Variants in DLG2 observed in about 807,000 individuals in gnomAD.
The protein encoded by DLG2 is discs large MAGUK scaffold protein 2.
DLG2 carries 45 observed loss-of-function variants against 132.5 expected under a neutral mutation model. That is an observed-to-expected ratio of 0.34 (90% CI 0.27 to 0.44). The LOEUF is 0.44. Ranked by LOEUF, DLG2 falls within the 20% of genes least tolerant of loss-of-function variation. DLG2 has a pLI of 1.00. For missense variants in DLG2, 1,045 were observed against 1,196.9 expected (o/e 0.87, Z 1.87); for synonymous variants, 424 against 419.6 (o/e 1.01, Z -0.13).
chr11:84,876,601 CTATT>C, intron 6 of DLG2, among the ~76,000 whole-genome samples: 1 of 152,040 alleles, frequency 6.6e-6, no homozygotes, highest in South Asian at 2.1e-4. Flanking sequence ...GGGTAGCTGT[CTATT>C]TGTTTTGTTA....
intron 19 of DLG2, among the ~76,000 whole-genome samples, chr11:83,550,080 G>A (rs2096351115): frequency 6.6e-6 from 1 of 152,118 alleles, no homozygotes; most frequent in South Asian, 2.1e-4. Context: ...AAGCAGATTG[G>A]TATTATTTAA....
intron 15 of DLG2, among the ~76,000 whole-genome samples, chr11:83,922,524 ATTATATCAGCCTT>A (rs1321090950): frequency 1.3e-5 from 2 of 152,150 alleles, no homozygotes; most frequent in Non-Finnish European, 2.9e-5. Context: ...ATTCTTTAAG[ATTATATCAGCCTT>A]TTAAGGGCAT....
intron 18 of DLG2, among the ~76,000 whole-genome samples, chr11:83,742,934 G>A (rs1165370480): frequency 1.3e-5 from 2 of 152,166 alleles, no homozygotes; most frequent in Non-Finnish European, 2.9e-5. Context: ...CTGCTTTAAA[G>A]TACCATATAG....
At chr11:83,612,120 A>G (rs1240030975) in intron 19 of DLG2, among the ~76,000 whole-genome samples, 5 of 152,174 alleles carry the variant, frequency 3.3e-5, no homozygotes, top group Admixed American at 3.3e-4. Flanking sequence ...AAGGCAATTT[A>G]TCACTAATTC....
rs193106820 is a variant in DLG2 at position 83,778,537 on chromosome 11, A to G, written c.1825+8153T>C. ...TTTTATGGGGATGTTCGGAACTGTA[A>G]TCATACAATGAGAGGAGGTTATATC... is the stretch of plus-strand genomic sequence containing the variant. On this transcript the variant is annotated intron_variant, in intron 18 of 27. Transcript: ENST00000376104. 2.6e-3 allele frequency among the ~76,000 whole-genome samples: 400 copies of G among 152,248 alleles called. 3 individuals are homozygous for G. The highest frequency in any genetic ancestry group is 9.3e-3 in the African/African-American group (385 of 41,568).
intron 7 of DLG2, among the ~76,000 whole-genome samples, chr11:84,254,384 T>A (rs1167423143): frequency 6.6e-6 from 1 of 152,206 alleles, no homozygotes; most frequent in East Asian, 1.9e-4. Flanking sequence ...GAAGACTGTA[T>A]GTCTAAAAAT....
chr11:84,392,320 A>G (rs1244872755), intron 7 of DLG2, among the ~76,000 whole-genome samples: 1 of 152,168 alleles, frequency 6.6e-6, no homozygotes, highest in Admixed American at 6.6e-5. Flanking sequence ...TTCAGTTTTG[A>G]ATTAAACTGA....
At chr11:84,573,489 A>C (rs930811815) in intron 6 of DLG2, among the ~76,000 whole-genome samples, 1 of 152,184 alleles carries the variant, frequency 6.6e-6, no homozygotes, top group South Asian at 2.1e-4. Context: ...GATACCAAAA[A>C]GGATGCAAGG....
At chr11:84,590,447 C>A (rs916426882) in intron 6 of DLG2, among the ~76,000 whole-genome samples, 3 of 152,136 alleles carry the variant, frequency 2.0e-5, no homozygotes, top group African/African-American at 7.2e-5. Context: ...TTCCTGACAG[C>A]GCCTTCATGC....
At chr11:85,533,661 T>C (rs902215985) in intron 3 of DLG2, among the ~76,000 whole-genome samples, 6 of 152,066 alleles carry the variant, frequency 3.9e-5, no homozygotes, top group Non-Finnish European at 8.8e-5. Flanking sequence ...TAGATAGATA[T>C]ACACATATAT....
intron 7 of DLG2, among the ~76,000 whole-genome samples, chr11:84,502,696 C>T (rs78657251): frequency 0.016 from 2,400 of 151,962 alleles, 44 homozygotes; most frequent in African/African-American, 0.044. Flanking sequence ...TCACGACAGC[C>T]CAGGTTATTT....
chr11:83,860,432 A>C (rs1173766783), intron 16 of DLG2, among the ~76,000 whole-genome samples: 2 of 152,172 alleles, frequency 1.3e-5, no homozygotes, highest in Non-Finnish European at 2.9e-5. Flanking sequence ...TTGGAGCTTT[A>C]AGATTTGACT....
chr11:85,423,555 G>C (rs1311946094), intron 3 of DLG2, among the ~76,000 whole-genome samples: 6 of 152,150 alleles, frequency 3.9e-5, no homozygotes, highest in Non-Finnish European at 4.4e-5. Flanking sequence ...TGGGTGGGAA[G>C]AGGGCTAGGT....
chr11:84,812,135 T>C lies in DLG2; in HGVS notation c.358-277404A>G, dbSNP rs558284175. Among the ~76,000 whole-genome samples the C allele has an allele frequency of 8.8e-4, 134 of 152,318 alleles. 1 individual carries two copies. The highest frequency in any genetic ancestry group is 3.0e-3 in the African/African-American group (125 of 41,580). ...TGATCCAGACAAATATGATCCAGCA[T>C]TATCCAGCAGCACCTCAAATATTTA... is the stretch of plus-strand genomic sequence containing the variant. On this transcript the variant is annotated intron_variant, in intron 6 of 27. Transcript: ENST00000376104.
chr11:83,644,087 C>T (rs565632497), intron 18 of DLG2, among the ~76,000 whole-genome samples: 15 of 152,252 alleles, frequency 9.9e-5, no homozygotes, highest in Non-Finnish European at 1.9e-4. Context: ...CAAATGAAAG[C>T]TTCTCAAAAT....
chr11:84,930,368 T>C (rs2154090818), intron 6 of DLG2, among the ~76,000 whole-genome samples: 1 of 152,224 alleles, frequency 6.6e-6, no homozygotes, highest in East Asian at 1.9e-4. Flanking sequence ...GAGCACATAG[T>C]ATTGTTAATT....
intron 18 of DLG2, among the ~76,000 whole-genome samples, chr11:83,698,136 G>A (rs1592651306): frequency 2.0e-5 from 3 of 152,236 alleles, no homozygotes; most frequent in Admixed American, 6.5e-5. Flanking sequence ...GTTGTGATGG[G>A]GAGTACATGA....
At chr11:85,610,456 C>T in intron 2 of DLG2, among the ~76,000 whole-genome samples, 1 of 152,236 alleles carries the variant, frequency 6.6e-6, no homozygotes, top group Admixed American at 6.5e-5. Flanking sequence ...CCCCTGCACT[C>T]TGACTCCCAG....
intron 7 of DLG2, among the ~76,000 whole-genome samples, chr11:84,367,856 T>C (rs778405554): frequency 5.3e-5 from 8 of 152,140 alleles, no homozygotes; most frequent in Non-Finnish European, 1.0e-4. Context: ...TATTCAGTTA[T>C]AGTGACAGAA....
Sources: gnomAD v4.1 joint callset for allele counts (sites outside exome capture counted in the v4.1 genomes callset) on GRCh38, gnomAD v4.1.1 for gene constraint, MANE v1.5 for transcripts, NCBI Gene and HGNC (gene_info 2026-07-23, HGNC 2026-07-21) for gene names.